The following ACVR2A variants were observed in gnomAD, a reference collection of about 807,000 sequenced individuals.
ACVR2A encodes the protein activin A receptor type 2A.
Under a neutral mutation model 61.4 loss-of-function variants are expected in ACVR2A, and 7 were observed. The ratio of observed to expected loss-of-function variants is 0.11; its 90% CI spans 0.06 to 0.21. The LOEUF is 0.21. ACVR2A is among the 10% of genes least tolerant of loss of function. The probability of loss-of-function intolerance (pLI) is 1.00; values close to 1 mark genes in which losing one functional copy is unlikely to be tolerated. For synonymous variants in ACVR2A, 193 were observed against 208.3 expected, an observed-to-expected ratio of 0.93 and a Z score of 0.63; for missense variants, 322 against 621.7, an observed-to-expected ratio of 0.52 and a Z score of 5.13.
intron 1 of ACVR2A, among the ~76,000 whole-genome samples, chr2:147,859,160 C>A (rs1196305658): frequency 6.6e-6 from 1 of 152,072 alleles, no homozygotes; most frequent in South Asian, 2.1e-4. Context: ...CTTTGTTTTA[C>A]CCCCAAGAAT....
chr2:147,851,011 A>C (rs1685432896), intron 1 of ACVR2A, among the ~76,000 whole-genome samples: 1 of 152,112 alleles, frequency 6.6e-6, no homozygotes, highest in African/African-American at 2.4e-5. Flanking sequence ...GCCAGTATCT[A>C]GCTTATGTAT....
intron 1 of ACVR2A, among the ~76,000 whole-genome samples, chr2:147,847,648 T>A (rs1389287436): frequency 1.3e-5 from 2 of 152,206 alleles, no homozygotes; most frequent in African/African-American, 4.8e-5. Context: ...ATGCAGACTA[T>A]TCCTGTAGGA....
At chr2:147,863,891 T>C (rs1558962316) in intron 1 of ACVR2A, among the ~76,000 whole-genome samples, 1 of 152,230 alleles carries the variant, frequency 6.6e-6, no homozygotes, top group Non-Finnish European at 1.5e-5. Context: ...CTTGAGTAAT[T>C]AGAGAATCAA....
At chr2:147,848,428 TGTG>T (rs1685369475) in intron 1 of ACVR2A, among the ~76,000 whole-genome samples, 1 of 151,890 alleles carries the variant, frequency 6.6e-6, no homozygotes, top group Non-Finnish European at 1.5e-5. Flanking sequence ...GGGGACGGGG[TGTG>T]CTACTGGCAT....
intron 1 of ACVR2A, among the ~76,000 whole-genome samples, chr2:147,846,962 G>T (rs901252316): frequency 2.0e-5 from 3 of 152,062 alleles, no homozygotes; most frequent in Non-Finnish European, 2.9e-5. Flanking sequence ...TTCTTGAGCA[G>T]TCTCAAGGTA....
At chr2:147,865,552 G>C (rs1035436438) in intron 1 of ACVR2A, among the ~76,000 whole-genome samples, 9 of 152,228 alleles carry the variant, frequency 5.9e-5, no homozygotes, top group African/African-American at 2.2e-4. Flanking sequence ...TTGTGTTGCT[G>C]TTTCTCAGAG....
At chr2:147,869,686 G>T (rs961463426) in intron 1 of ACVR2A, among the ~76,000 whole-genome samples, 60 of 152,252 alleles carry the variant, frequency 3.9e-4, no homozygotes, top group African/African-American at 1.3e-3. Flanking sequence ...ATGCAAAATT[G>T]CATGAGAAAC....
intron 1 of ACVR2A, among the ~76,000 whole-genome samples, chr2:147,851,784 A>G (rs1415953750): frequency 6.6e-6 from 1 of 151,718 alleles, no homozygotes; most frequent in East Asian, 1.9e-4. Context: ...TCCTGTTTCT[A>G]CTCTTTGAAG....
chr2:147,922,946 A>G (rs1687420044), intron 8 of ACVR2A, 27 bp from the exon 9 acceptor site: 3 of 1,594,100 alleles, frequency 1.9e-6, no homozygotes, highest in Non-Finnish European at 2.6e-6. Flanking sequence ...ATGAATGAGT[A>G]CTCTTTGCTT....
At chr2:147,896,700 G>A in intron 2 of ACVR2A, 192 bp downstream of exon 2, 1 of 550,056 alleles carries the variant, frequency 1.8e-6, no homozygotes, top group South Asian at 2.5e-5. Flanking sequence ...GCATATATAT[G>A]TTTTATCTTT....
chr2:147,927,322 C>A lies in ACVR2A; in HGVS notation c.*48C>A. The A allele has an allele frequency of 6.6e-7, 1 of 1,522,836 alleles. No homozygotes were observed. The highest frequency in any genetic ancestry group is 8.9e-7 in the Non-Finnish European group (1 of 1,126,890). The allele number at this position is 1,522,836 out of a possible 1,614,324, so 94.3% of individuals were successfully genotyped here. On this transcript the variant is annotated 3_prime_UTR_variant, in exon 11 of 11. Coordinates refer to ENST00000241416, the MANE Select transcript of ACVR2A (RefSeq NM_001616.5). ...TAAGAAATGGGACTCTGAACTGGAG[C>A]TGCTAAGCTAAAGAAACTGCTTACA...
At chr2:147,904,135 G>A (rs1160466348) in intron 4 of ACVR2A, among the ~76,000 whole-genome samples, 2 of 151,860 alleles carry the variant, frequency 1.3e-5, no homozygotes, top group African/African-American at 4.8e-5. Context: ...ATCTGTTTTC[G>A]TTACCCAGCT....
At chr2:147,910,309 T>C (rs574295586) in intron 4 of ACVR2A, among the ~76,000 whole-genome samples, 1 of 152,254 alleles carries the variant, frequency 6.6e-6, no homozygotes, top group African/African-American at 2.4e-5. Context: ...CTTTATAGTG[T>C]CATCTTTATC....
chr2:147,921,726 C>G (rs1304225583), intron 8 of ACVR2A, among the ~76,000 whole-genome samples: 1 of 152,136 alleles, frequency 6.6e-6, no homozygotes, highest in Non-Finnish European at 1.5e-5. Flanking sequence ...TATCATAAGA[C>G]TAAATTCTGG....
At chr2:147,860,324 G>C (rs368567468) in intron 1 of ACVR2A, among the ~76,000 whole-genome samples, 10 of 152,104 alleles carry the variant, frequency 6.6e-5, no homozygotes, top group African/African-American at 2.4e-4. Flanking sequence ...TGGCCACCCA[G>C]ATGGGTTGGC....
intron 1 of ACVR2A, among the ~76,000 whole-genome samples, chr2:147,891,527 A>C (rs1686581905): frequency 6.6e-6 from 1 of 152,070 alleles, no homozygotes; most frequent in South Asian, 2.1e-4. Flanking sequence ...AAAAAAAAAA[A>C]AATCCAAAAA....
In ACVR2A at chr2:147,927,054, TTGAGTA is replaced by T. The variant is rs754239880; in HGVS notation, c.1348-24_1348-19del. On this transcript the variant is annotated intron_variant, in intron 10 of 10. Transcript: ENST00000241416. Reference sequence around the variant, plus strand: ...TAGAAAACAAAAACTGCTGTGGCGTTTGAGTATATGTTTTTCTCCTTTTAGGGAATG... The same window carrying T: ...TAGAAAACAAAAACTGCTGTGGCGTTTATGTTTTTCTCCTTTTAGGGAATG... 2 of 1,595,924 alleles carry T rather than the reference TTGAGTA, an allele frequency of 1.3e-6. No individual in the cohort carries two copies. The highest frequency in any genetic ancestry group is 2.7e-5 in the African/African-American group (2 of 73,580).
At chr2:147,853,173 A>G (rs150553579) in intron 1 of ACVR2A, among the ~76,000 whole-genome samples, 2 of 152,228 alleles carry the variant, frequency 1.3e-5, no homozygotes, top group Non-Finnish European at 2.9e-5. Context: ...ACAGATAGAT[A>G]TAGTTTTAGA....
At chr2:147,880,564 C>T (rs569542256) in intron 1 of ACVR2A, among the ~76,000 whole-genome samples, 1 of 152,174 alleles carries the variant, frequency 6.6e-6, no homozygotes, top group South Asian at 2.1e-4. Flanking sequence ...TTCTGTCTTA[C>T]CTTGCAGGAT....
Sources: allele counts gnomAD v4.1 joint callset (sites outside exome capture counted in the v4.1 genomes callset), GRCh38; gene constraint gnomAD v4.1.1; transcripts MANE v1.5; gene names NCBI Gene and HGNC (gene_info 2026-07-23, HGNC 2026-07-21).